Variants in ADAMTS20 observed in about 807,000 individuals in gnomAD.
ADAMTS20 encodes A disintegrin and metalloproteinase with thrombospondin motifs 20.
ADAMTS20 carries 225 observed loss-of-function variants against 260.1 expected under a neutral mutation model. That is an observed-to-expected ratio of 0.87 (90% CI 0.78 to 0.97). The LOEUF (loss-of-function observed/expected upper bound fraction) is 0.97. Ranked by LOEUF, ADAMTS20 falls within the 50% of genes least tolerant of loss-of-function variation. The pLI is 0.00. For synonymous variants in ADAMTS20, 802 were observed against 769.5 expected, an observed-to-expected ratio of 1.04 and a Z score of -0.70; for missense variants, 2,400 against 2,337.7, an observed-to-expected ratio of 1.03 and a Z score of -0.55.
At chr12:43,358,292 G>T (rs1475842927) in intron 37 of ADAMTS20, among the ~76,000 whole-genome samples, 1 of 152,130 alleles carries the variant, frequency 6.6e-6, no homozygotes, top group Non-Finnish European at 1.5e-5. Flanking sequence ...TAGAACTATC[G>T]ATTGTTCCAT....
chr12:43,414,175 G>T (rs1257548099), intron 28 of ADAMTS20, among the ~76,000 whole-genome samples: 2 of 152,096 alleles, frequency 1.3e-5, no homozygotes, highest in African/African-American at 2.4e-5. Context: ...AAGTAAACCA[G>T]CAGAGTAAAG....
At chr12:43,449,497 G>C (rs1941825212) in intron 14 of ADAMTS20, among the ~76,000 whole-genome samples, 4 of 152,106 alleles carry the variant, frequency 2.6e-5, no homozygotes, top group African/African-American at 7.2e-5. Flanking sequence ...GTGGAGGGTA[G>C]GAGGCGCGAG....
rs1348424072 is a variant in ADAMTS20, at chr12:43,446,650, A to G, written c.2142T>C (p.Gly714=). The change falls in exon 15 of 39, where the codon GGT becomes GGC. Residue 714 remains glycine (G), a synonymous_variant. Coordinates refer to ENST00000389420, the MANE Select transcript of ADAMTS20 (RefSeq NM_025003.5). ...TTGTCTTGCATGAAGAGTTGTCCCC[A>G]CCACACACTCCACATTTGTCTATCT... ...SAKIDKCGVC[G]GDNSSCKTIT... is the part of the protein sequence containing the mutation. The G allele has an allele frequency of 6.2e-7, 1 of 1,613,440 alleles. No homozygotes were observed. Among genetic ancestry groups the G allele is most frequent in the East Asian group, 2.2e-5 (1 of 44,852 alleles).
chr12:43,384,351 C>G (rs147356436), intron 29 of ADAMTS20, among the ~76,000 whole-genome samples: 37 of 152,312 alleles, frequency 2.4e-4, no homozygotes, highest in African/African-American at 8.4e-4. Context: ...AGACTATACT[C>G]ATTATCTCCC....
intron 3 of ADAMTS20, among the ~76,000 whole-genome samples, chr12:43,528,888 T>A (rs1445413469): frequency 6.6e-6 from 1 of 152,116 alleles, no homozygotes; most frequent in Non-Finnish European, 1.5e-5. Context: ...GGAGAATATA[T>A]TTGCAAACTA....
chr12:43,452,756 C>A, intron 12 of ADAMTS20, 61 bp from the exon 13 acceptor site: 1 of 1,403,326 alleles, frequency 7.1e-7, no homozygotes, highest in Non-Finnish European at 9.5e-7. Context: ...CCACTTACTT[C>A]TAAAAGTTCC....
At chr12:43,406,070 A>G (rs1444825625) in intron 28 of ADAMTS20, among the ~76,000 whole-genome samples, 1 of 152,228 alleles carries the variant, frequency 6.6e-6, no homozygotes, top group African/African-American at 2.4e-5. Flanking sequence ...GCTTCTCATT[A>G]CAAACCAGAA....
intron 16 of ADAMTS20, among the ~76,000 whole-genome samples, chr12:43,441,545 A>C (rs1941666730): frequency 1.3e-5 from 2 of 152,136 alleles, no homozygotes; most frequent in African/African-American, 4.8e-5. Flanking sequence ...AGAAATAATA[A>C]ACATTTCTAT....
chr12:43,549,852 A>C (rs1246204118), intron 2 of ADAMTS20, among the ~76,000 whole-genome samples: 2 of 152,216 alleles, frequency 1.3e-5, no homozygotes, highest in Non-Finnish European at 2.9e-5. Flanking sequence ...AAGCTAAAGG[A>C]GTATTACATT....
chr12:43,405,562 C>A (rs1405026293), intron 28 of ADAMTS20, among the ~76,000 whole-genome samples: 2 of 151,540 alleles, frequency 1.3e-5, no homozygotes, highest in Non-Finnish European at 2.9e-5. Flanking sequence ...CTTAATTTTT[C>A]AGCTACCATA....
rs1943467332 is a variant in ADAMTS20 at position 43,548,265 on chromosome 12, A to C, written c.453+2644T>G. 2.0e-5 allele frequency among the ~76,000 whole-genome samples: 3 copies of C among 152,328 alleles called. No individual in the cohort carries two copies. The South Asian group carries it at 6.2e-4, about 32-fold the overall frequency. ...CTCTGAGAATCCTTCAGCAAACTGC[A>C]ACCTTAATGTTTAATGGACTGAGAG... is the stretch of plus-strand genomic sequence containing the variant. On this transcript the variant is annotated intron_variant, in intron 2 of 38. Coordinates refer to ENST00000389420, the MANE Select transcript of ADAMTS20 (RefSeq NM_025003.5).
intron 35 of ADAMTS20, among the ~76,000 whole-genome samples, chr12:43,375,846 T>C (rs1346771920): frequency 6.6e-6 from 1 of 152,276 alleles, no homozygotes; most frequent in Non-Finnish European, 1.5e-5. Context: ...ATCTCTCTGT[T>C]AATAGTCAAT....
At position 43,466,638 on chromosome 12, in the gene ADAMTS20, A is replaced by G. The variant is rs1269754637; in HGVS notation, c.1367+14T>C. On this transcript the variant is annotated intron_variant, in intron 9 of 38. Coordinates refer to ENST00000389420, the MANE Select transcript of ADAMTS20 (RefSeq NM_025003.5). The stretch of plus-strand genomic sequence containing the variant: ...TCGAATACATGTTCAATTATTTAAC[A>G]TAAATTTACTTACTCTAGGAATTCA... The G allele has an allele frequency of 1.9e-6, 3 of 1,595,908 alleles. No homozygotes were observed. Among genetic ancestry groups the G allele is most frequent in the Admixed American group, 3.5e-5 (2 of 56,344 alleles).
rs1164847016 is a variant in ADAMTS20 at position 43,551,269 on chromosome 12, T to A, written c.93A>T (p.Glu31Asp). The stretch of plus-strand genomic sequence containing the variant: ...AGGAGGTCAGTGTCCTCACCAGGGC[T>A]TCTGCAACAACAGCGACAGGACCAG... ...SWEVDFHPRQ[E>D]ALVRTLTSYE... The change falls in exon 2 of 39, where the codon GAA becomes GAT. Residue 31 changes from glutamate to aspartate, a missense_variant and splice_region_variant. Physicochemically the swap from Glu to Asp is conservative, Grantham distance 45. Coordinates refer to ENST00000389420, the MANE Select transcript of ADAMTS20 (RefSeq NM_025003.5). This position sits in a 1 kb window ranked among gnomAD's most constrained non-coding sequence, Gnocchi z 4.6. 1.2e-6 allele frequency: 2 copies of A among 1,609,076 alleles called. No homozygotes were observed. The highest frequency in any genetic ancestry group is 1.7e-6 in the Non-Finnish European group (2 of 1,176,412).
rs368450640 is a variant in ADAMTS20 at position 43,375,532 on chromosome 12, T to C, written c.5313-20A>G. ...TTTAGTCTGTAACAACATTGGGATA[T>C]TTTAGTATTAGATGCAGTTACGAGG... On this transcript the variant is annotated intron_variant, in intron 35 of 38. Transcript: ENST00000389420. 25 of 1,611,528 alleles carry C rather than the reference T, an allele frequency of 1.6e-5. No individual in the cohort carries two copies. The highest frequency in any genetic ancestry group is 2.0e-5 in the Non-Finnish European group (24 of 1,178,718).
intron 2 of ADAMTS20, among the ~76,000 whole-genome samples, chr12:43,541,284 C>T (rs1943373164): frequency 6.6e-6 from 1 of 152,112 alleles, no homozygotes; most frequent in African/African-American, 2.4e-5. Flanking sequence ...TGGGTTTGTA[C>T]TCATAGACTC....
At chr12:43,353,758 T>C, downstream of ADAMTS20, 1 of 152,242 alleles carries the variant, frequency 6.6e-6, no homozygotes. Flanking sequence ...AAAGATTCAA[T>C]AATGTTTATA....
chr12:43,420,861 G>A (rs1456213702), intron 28 of ADAMTS20, among the ~76,000 whole-genome samples: 2 of 128,674 alleles, frequency 1.6e-5, no homozygotes, highest in Non-Finnish European at 3.1e-5. Context: ...AGGCTGGAAT[G>A]CAGTGGCACC....
chr12:43,440,017 A>G lies in ADAMTS20; in HGVS notation c.2343T>C (p.Ser781=). 6.4e-7 allele frequency: 1 copy of G among 1,571,586 alleles called. No homozygotes were observed. Among genetic ancestry groups the G allele is most frequent in the Non-Finnish European group, 8.6e-7 (1 of 1,156,610 alleles). The change falls in exon 17 of 39, where the codon AGT becomes AGC. Residue 781 remains serine, a synonymous_variant. Coordinates refer to ENST00000389420, the MANE Select transcript of ADAMTS20 (RefSeq NM_025003.5). ...GCACATTGATTTCTTTTTTTGACGT[A>G]CTTAGAAGAAAATTTCCATTGAAAA... ...NFLFNGNFLL[S]TSKKEINVQG... is the part of the protein sequence containing the mutation.
Sources: gnomAD v4.1 joint callset for allele counts (sites outside exome capture counted in the v4.1 genomes callset) on GRCh38, gnomAD v4.1.1 for gene constraint, Gnocchi (gnomAD v3.1) non-coding constraint, MANE v1.5 for transcripts, NCBI Gene and HGNC (gene_info 2026-07-23, HGNC 2026-07-21) for gene names.